Variants in PLEKHH2 observed in about 807,000 individuals in gnomAD.
PLEKHH2 encodes pleckstrin homology domain-containing family H member 2.
Under a neutral mutation model 187.9 loss-of-function variants are expected in PLEKHH2, and 129 were observed. That is an observed-to-expected ratio of 0.69 (90% confidence interval 0.59 to 0.79). The LOEUF is 0.79. PLEKHH2 is among the 30% of genes least tolerant of loss of function. PLEKHH2 has a pLI of 0.00. For synonymous variants in PLEKHH2, 686 were observed against 605.6 expected, an observed-to-expected ratio of 1.13 and a Z score of -1.95; for missense variants, 2,076 against 1,751.2, an observed-to-expected ratio of 1.19 and a Z score of -3.31.
intron 2 of PLEKHH2, among the ~76,000 whole-genome samples, chr2:43,656,242 T>C (rs568195843): frequency 1.1e-4 from 17 of 152,112 alleles, no homozygotes; most frequent in Admixed American, 2.6e-4. Flanking sequence ...CAGGCATGAG[T>C]CACTGTGCCC....
chr2:43,684,990 G>T (rs1015839614), intron 3 of PLEKHH2, among the ~76,000 whole-genome samples: 1 of 152,120 alleles, frequency 6.6e-6, no homozygotes, highest in East Asian at 1.9e-4. Flanking sequence ...TCTAAAAGTC[G>T]ACAGGAAATA....
At chr2:43,686,336 A>G (rs957332990) in intron 3 of PLEKHH2, among the ~76,000 whole-genome samples, 1 of 152,076 alleles carries the variant, frequency 6.6e-6, no homozygotes, top group Non-Finnish European at 1.5e-5. Context: ...AGCTGGGAAT[A>G]CAGGTGCATG....
chr2:43,679,494 C>CTTTT, intron 3 of PLEKHH2: 88 of 252,764 alleles, frequency 3.5e-4, no homozygotes, highest in Middle Eastern at 1.5e-3. Context: ...GATTTTTTCC[C>CTTTT]TTTTTTTTTT....
intron 3 of PLEKHH2, chr2:43,681,750 C>T (rs561259907): frequency 1.9e-5 from 9 of 464,058 alleles, no homozygotes; most frequent in South Asian, 1.3e-4. Context: ...CATTCAGTTT[C>T]GGGTCTGAGA....
At chr2:43,657,922 T>A (rs1167968445) in intron 2 of PLEKHH2, among the ~76,000 whole-genome samples, 1 of 152,236 alleles carries the variant, frequency 6.6e-6, no homozygotes, top group Non-Finnish European at 1.5e-5. Flanking sequence ...TTCTTCTGTA[T>A]CTACAATTGT....
chr2:43,675,786 C>CA (rs772688354), intron 2 of PLEKHH2: 2 of 1,613,648 alleles, frequency 1.2e-6, no homozygotes, highest in Non-Finnish European at 1.7e-6. Flanking sequence ...CTTCCACAGT[C>CA]ACGTATTCGA....
At chr2:43,670,794 A>C (rs1260007811) in intron 2 of PLEKHH2, among the ~76,000 whole-genome samples, 1 of 151,868 alleles carries the variant, frequency 6.6e-6, no homozygotes, top group Non-Finnish European at 1.5e-5. Context: ...GAGTCTTCTG[A>C]CTCATAGTTT....
Position 43,697,477 on chromosome 2 carries a change from A to G in PLEKHH2, c.688+121A>G, listed in dbSNP as rs913378382. 1.3e-5 allele frequency: 11 copies of G among 835,186 alleles called. No homozygotes were observed. In the Admixed American group the frequency reaches 2.0e-4, roughly 15 times the overall value. The allele number at this position is 835,186 out of a possible 1,614,324, so 51.7% of individuals were successfully genotyped here. A position where few individuals can be genotyped will look rare whatever the true frequency, so the allele number is the denominator to read the frequency against. ...TTTTCTGACAATTTGATGTTTTATG[A>G]GAATGTTTCTAAAGAGCAATACAAC... On this transcript the variant is annotated intron_variant, in intron 7 of 29. Transcript: ENST00000282406.
intron 8 of PLEKHH2, 59 bp downstream of exon 8, chr2:43,700,667 T>C: frequency 6.6e-7 from 1 of 1,526,678 alleles, no homozygotes; most frequent in Non-Finnish European, 8.8e-7. Context: ...CACTTTTTTT[T>C]TCTGGGAGGG....
Position 43,707,519 on chromosome 2 carries a change from C to T in PLEKHH2, c.1940C>T (p.Pro647Leu), listed in dbSNP as rs747848030. ...SESDSRSRSG[P>L]GSPRAMKRGV... ...TCAGACTCACGCAGTAGGAGTGGGC[C>T]AGGCAGCCCCAGAGCCATGAAACGA... Residue 647 changes from proline to leucine, a missense_variant, in exon 11 of 30, where the codon CCA (proline) becomes CTA (leucine). Transcript: ENST00000282406. 59 of 1,613,942 alleles carry T rather than the reference C, an allele frequency of 3.7e-5. No individual in the cohort carries two copies. The South Asian group carries it at 4.8e-4, about 13-fold the overall frequency.
chr2:43,667,465 A>G (rs1349326424), intron 2 of PLEKHH2, among the ~76,000 whole-genome samples: 1 of 152,230 alleles, frequency 6.6e-6, no homozygotes, highest in Non-Finnish European at 1.5e-5. Flanking sequence ...GGACAAGTCC[A>G]CACAAAAACT....
chr2:43,687,937 C>T (rs1004080183), intron 3 of PLEKHH2, among the ~76,000 whole-genome samples: 2 of 152,062 alleles, frequency 1.3e-5, no homozygotes, highest in African/African-American at 2.4e-5. Flanking sequence ...GCTGGGACCA[C>T]AGGCATATGC....
intron 23 of PLEKHH2, among the ~76,000 whole-genome samples, chr2:43,744,814 G>A (rs1671709278): frequency 6.8e-6 from 1 of 147,262 alleles, no homozygotes; most frequent in Non-Finnish European, 1.5e-5. Context: ...GCTGCAGTGA[G>A]CCGTGATCAC....
chr2:43,675,694 A>G (rs778008655), intron 2 of PLEKHH2: 1 of 1,613,876 alleles, frequency 6.2e-7, no homozygotes, highest in Non-Finnish European at 8.5e-7. Context: ...CTTCCAAATC[A>G]CACTTTGATC....
Position 43,765,014 on chromosome 2 carries a change from A to C in PLEKHH2, c.4297-399A>C, listed in dbSNP as rs186981458. ...TCTTTCTTAATTAAGCCTATACTTA[A>C]GTGAAAGCAGCTAACCATTAAGTGC... On this transcript the variant is annotated intron_variant, in intron 29 of 29. Coordinates refer to ENST00000282406, the MANE Select transcript of PLEKHH2 (RefSeq NM_172069.4). Among the ~76,000 whole-genome samples, 30 of 152,356 alleles carry C rather than the reference A, an allele frequency of 2.0e-4. No individual in the cohort carries two copies. The East Asian group carries it at 5.0e-3, about 25-fold the overall frequency.
rs1261579941 is a variant in PLEKHH2, at chr2:43,742,786, A to G, written c.3267A>G (p.Glu1089=). 3 of 1,605,184 alleles carry G rather than the reference A, an allele frequency of 1.9e-6. No homozygotes were observed. Among genetic ancestry groups the G allele is most frequent in the Non-Finnish European group, 2.5e-6 (3 of 1,176,966 alleles). ...KYAIYCQRCV[E]RTQQNGDREA... ...CCATTTACTGCCAGCGTTGTGTAGA[A>G]AGAACGCAACAAAATGGTGACAGAG... The change falls in exon 22 of 30, where the codon GAA becomes GAG. Residue 1089 remains glutamate (E), a synonymous_variant. Transcript: ENST00000282406.
chr2:43,671,058 A>C (rs921910372), intron 2 of PLEKHH2, among the ~76,000 whole-genome samples: 1 of 150,282 alleles, frequency 6.7e-6, no homozygotes, highest in African/African-American at 2.5e-5. Context: ...ATCTCGGCTC[A>C]CTGCAACCTC....
intron 20 of PLEKHH2, among the ~76,000 whole-genome samples, chr2:43,740,143 A>G (rs970098717): frequency 1.3e-5 from 2 of 152,180 alleles, no homozygotes; most frequent in South Asian, 4.1e-4. Flanking sequence ...TTTTAATATA[A>G]CGTTTTAAAA....
At chr2:43,671,005 A>G (rs1221820048) in intron 2 of PLEKHH2, among the ~76,000 whole-genome samples, 2 of 144,310 alleles carry the variant, frequency 1.4e-5, no homozygotes, top group African/African-American at 5.2e-5. Context: ...TTTTTTTGAG[A>G]TGAAGTGTCG....
Sources: gnomAD v4.1 joint callset for allele counts (sites outside exome capture counted in the v4.1 genomes callset) on GRCh38, gnomAD v4.1.1 for gene constraint, MANE v1.5 for transcripts, NCBI Gene and HGNC (gene_info 2026-07-23, HGNC 2026-07-21) for gene names.